The following GRIN2A variants were observed in gnomAD, a reference collection of about 807,000 sequenced individuals.
The protein encoded by GRIN2A is glutamate receptor ionotropic, NMDA 2A.
GRIN2A carries 22 observed loss-of-function variants against 113.4 expected under a neutral mutation model. The ratio of observed to expected loss-of-function variants is 0.19; its 90% CI spans 0.14 to 0.28. GRIN2A has a LOEUF of 0.28. GRIN2A is among the 10% of genes least tolerant of loss of function. GRIN2A has a pLI of 1.00. For missense variants in GRIN2A, 1,502 were observed against 1,887.0 expected (o/e 0.80, Z 3.78); for synonymous variants, 827 against 738.4 (o/e 1.12, Z -1.94).
At chr16:9,766,784 C>T (rs75951599) in intron 12 of GRIN2A, among the ~76,000 whole-genome samples, 1,643 of 152,250 alleles carry the variant, frequency 0.011, 36 homozygotes, top group African/African-American at 0.037. Flanking sequence ...AAGCACATTG[C>T]TCCCATAAAA....
chr16:10,093,974 C>T (rs1236339263), intron 2 of GRIN2A, among the ~76,000 whole-genome samples: 4 of 152,278 alleles, frequency 2.6e-5, no homozygotes, highest in Admixed American at 2.0e-4. Flanking sequence ...TGATGCATCA[C>T]CCAGTGAGTG....
At chr16:9,943,821 T>G (rs531509500) in intron 2 of GRIN2A, among the ~76,000 whole-genome samples, 1 of 152,234 alleles carries the variant, frequency 6.6e-6, no homozygotes, top group Non-Finnish European at 1.5e-5. Flanking sequence ...GAATAACCTA[T>G]GCATTGTGCC....
intron 2 of GRIN2A, among the ~76,000 whole-genome samples, chr16:9,977,159 A>G (rs889162697): frequency 6.6e-6 from 1 of 152,084 alleles, no homozygotes; most frequent in Non-Finnish European, 1.5e-5. Flanking sequence ...AGGTGTGGGG[A>G]CACATGCCTG....
chr16:9,959,103 C>T (rs2133755), intron 2 of GRIN2A, among the ~76,000 whole-genome samples: 54,705 of 151,918 alleles, frequency 0.36, 10,095 homozygotes, highest in African/African-American at 0.42. Context: ...CAGAATACCC[C>T]AGAATACTCA....
chr16:9,959,518 C>A (rs181124880), intron 2 of GRIN2A, among the ~76,000 whole-genome samples: 84 of 152,314 alleles, frequency 5.5e-4, no homozygotes, highest in Non-Finnish European at 9.1e-4. Flanking sequence ...AATATGCCAC[C>A]CAAGCTACCG....
chr16:9,955,370 A>G lies in GRIN2A; in HGVS notation c.415-16819T>C, dbSNP rs146308158. The stretch of plus-strand genomic sequence containing the variant: ...TTCTTACCTTCTCTGTCCAACTCCT[A>G]TTCTTCCTTCATTCATTTCTAGATC... On this transcript the variant is annotated intron_variant, in intron 2 of 12. Transcript: ENST00000330684. 8.7e-3 allele frequency among the ~76,000 whole-genome samples: 1,315 copies of G among 151,756 alleles called. 30 individuals carry two copies. Among genetic ancestry groups the G allele is most frequent in the African/African-American group, 0.03 (1,258 of 41,348 alleles).
chr16:9,858,300 T>G (rs1288639296), intron 4 of GRIN2A, among the ~76,000 whole-genome samples: 1 of 152,208 alleles, frequency 6.6e-6, no homozygotes, highest in African/African-American at 2.4e-5. Context: ...GCACTTATTA[T>G]GTATCAGGCA....
In GRIN2A at chr16:10,180,843, G is replaced by T. The variant is rs1313186924; in HGVS notation, c.-18-414C>A. 4.3e-6 allele frequency: 1 copy of T among 232,668 alleles called. No individual in the cohort carries two copies. Among genetic ancestry groups the T allele is most frequent in the Non-Finnish European group, 8.5e-6 (1 of 117,352 alleles). The allele number at this position is 232,668 out of a possible 1,614,324, so 14.4% of individuals were successfully genotyped here. On this transcript the variant is annotated intron_variant, in intron 1 of 12. Coordinates refer to ENST00000330684, the MANE Select transcript of GRIN2A (RefSeq NM_001134407.3). This position sits in a 1 kb window ranked among gnomAD's most constrained non-coding sequence, Gnocchi z 7.0. ...CCTCCATCCAACCCCTCCCACCTGG[G>T]ATAGAGAGGACCAAGTTATCAACCC... is the stretch of plus-strand genomic sequence containing the variant.
intron 2 of GRIN2A, among the ~76,000 whole-genome samples, chr16:10,129,772 G>A (rs760613779): frequency 3.3e-5 from 5 of 152,232 alleles, no homozygotes; most frequent in Non-Finnish European, 5.9e-5. Flanking sequence ...TAATAAAGAT[G>A]CATGTGATTC....
chr16:10,058,688 C>T (rs1006504615), intron 2 of GRIN2A, among the ~76,000 whole-genome samples: 1 of 152,190 alleles, frequency 6.6e-6, no homozygotes, highest in African/African-American at 2.4e-5. Flanking sequence ...TCCACAGACC[C>T]CTTAGGGGCC....
At chr16:10,125,433 G>C (rs765806271) in intron 2 of GRIN2A, among the ~76,000 whole-genome samples, 17 of 152,144 alleles carry the variant, frequency 1.1e-4, no homozygotes, top group Non-Finnish European at 5.9e-5. Flanking sequence ...ACACTAGTGA[G>C]TAGACCATTC....
intron 11 of GRIN2A, among the ~76,000 whole-genome samples, chr16:9,779,755 G>A (rs55881913): frequency 3.3e-5 from 5 of 151,768 alleles, no homozygotes; most frequent in African/African-American, 9.7e-5. Context: ...ACATCCTCCC[G>A]CTCCCCAGGT....
At chr16:10,088,691 T>C (rs950063949) in intron 2 of GRIN2A, among the ~76,000 whole-genome samples, 15 of 152,216 alleles carry the variant, frequency 9.9e-5, no homozygotes, top group African/African-American at 3.6e-4. Context: ...CCCACTCGGC[T>C]GTGTTGTGCG....
At chr16:10,154,036 C>A (rs1333085446) in intron 2 of GRIN2A, among the ~76,000 whole-genome samples, 1 of 152,132 alleles carries the variant, frequency 6.6e-6, no homozygotes, top group Non-Finnish European at 1.5e-5. Flanking sequence ...TGCTGTCCAC[C>A]CCACAGTCCA....
chr16:10,122,243 T>C (rs971426517), intron 2 of GRIN2A, among the ~76,000 whole-genome samples: 1 of 152,244 alleles, frequency 6.6e-6, no homozygotes, highest in South Asian at 2.1e-4. Flanking sequence ...AAAAAAACTC[T>C]GGCTACAGGA....
At chr16:10,045,740 G>A (rs1261213871) in intron 2 of GRIN2A, among the ~76,000 whole-genome samples, 1 of 152,238 alleles carries the variant, frequency 6.6e-6, no homozygotes, top group Non-Finnish European at 1.5e-5. Context: ...TCCTGAAGCA[G>A]ATCATCTTGG....
intron 3 of GRIN2A, among the ~76,000 whole-genome samples, chr16:9,902,301 C>T (rs532651686): frequency 1.3e-5 from 2 of 152,216 alleles, no homozygotes; most frequent in Admixed American, 1.3e-4. Flanking sequence ...AGGAGGTGAG[C>T]CCGTCTTTGT....
chr16:10,172,668 G>C (rs1453406935), intron 2 of GRIN2A, among the ~76,000 whole-genome samples: 1 of 152,216 alleles, frequency 6.6e-6, no homozygotes, highest in African/African-American at 2.4e-5. Flanking sequence ...GCCATAGGGG[G>C]AATCGGGGCC....
intron 2 of GRIN2A, among the ~76,000 whole-genome samples, chr16:10,152,049 T>C (rs1176914132): frequency 6.6e-6 from 1 of 152,182 alleles, no homozygotes; most frequent in Non-Finnish European, 1.5e-5. Context: ...ACAGTGTGCC[T>C]GAAGGAGCCC....
Sources: gnomAD v4.1 joint callset for allele counts (sites outside exome capture counted in the v4.1 genomes callset) on GRCh38, gnomAD v4.1.1 for gene constraint, Gnocchi (gnomAD v3.1) non-coding constraint, MANE v1.5 for transcripts, NCBI Gene and HGNC (gene_info 2026-07-23, HGNC 2026-07-21) for gene names.